The following ZMYM2 variants were observed in gnomAD, a reference collection of about 807,000 sequenced individuals.
The protein encoded by ZMYM2 is zinc finger MYM-type containing 2.
ZMYM2 carries 56 observed loss-of-function variants against 162.8 expected under a neutral mutation model. That is an observed-to-expected ratio of 0.34 (90% CI 0.28 to 0.43). The LOEUF (loss-of-function observed/expected upper bound fraction) is 0.43, where lower values mean the gene tolerates loss of function less well. Ranked by LOEUF, ZMYM2 falls within the 20% of genes least tolerant of loss-of-function variation. ZMYM2 has a pLI of 1.00. For missense variants in ZMYM2, 1,275 were observed against 1,621.8 expected, an observed-to-expected ratio of 0.79 and a Z score of 3.67; for synonymous variants, 510 against 541.6, an observed-to-expected ratio of 0.94 and a Z score of 0.81.
intron 4 of ZMYM2, among the ~76,000 whole-genome samples, chr13:20,004,277 C>T (rs1005193127): frequency 8.6e-5 from 13 of 151,708 alleles, no homozygotes; most frequent in African/African-American, 2.7e-4. Context: ...TTTTTTGAGA[C>T]GGATTCTCGC....
chr13:20,073,008 A>G (rs1165993103), intron 21 of ZMYM2, among the ~76,000 whole-genome samples: 2 of 151,706 alleles, frequency 1.3e-5, no homozygotes, highest in Non-Finnish European at 2.9e-5. Context: ...TCCCAGATTC[A>G]AGTGAATCCC....
rs756716900 is a variant in ZMYM2 at position 20,019,581 on chromosome 13, G to A, written c.1547G>A (p.Arg516Gln). ...CATCCAAGCTTCCTGAAGGAGGTTCGAGATCACATGCAGGACTCTTTCTTA... is the reference window on the plus strand; with the variant it reads ...CATCCAAGCTTCCTGAAGGAGGTTCAAGATCACATGCAGGACTCTTTCTTA... ...GSHPSFLKEV[R>Q]DHMQDSFLMQ... The change falls in exon 7 of 25, where the codon CGA (arginine) becomes CAA (glutamine). Residue 516 changes from arginine to glutamine, a missense_variant. By Grantham distance (43) the Arg-to-Gln change is conservative. Coordinates refer to ENST00000610343, the MANE Select transcript of ZMYM2 (RefSeq NM_197968.4). 3.0e-5 allele frequency: 48 copies of A among 1,596,820 alleles called. No individual in the cohort carries two copies. The highest frequency in any genetic ancestry group is 3.8e-5 in the Non-Finnish European group (44 of 1,171,172).
chr13:19,929,674 G>A, the ZMYM2 span, among the ~76,000 whole-genome samples: 1 of 152,076 alleles, frequency 6.6e-6, no homozygotes, highest in African/African-American at 2.4e-5. Flanking sequence ...TCATGCTCAT[G>A]GGTGACTTTG....
At chr13:19,977,840 G>T (rs1288612283) in intron 2 of ZMYM2, among the ~76,000 whole-genome samples, 1 of 149,068 alleles carries the variant, frequency 6.7e-6, no homozygotes, top group Non-Finnish European at 1.5e-5. Flanking sequence ...TTTTTCTCTA[G>T]TGTACCATTT....
chr13:20,082,826 A>T lies in ZMYM2; in HGVS notation c.3614A>T (p.Lys1205Ile). Residue 1205 changes from lysine (K) to isoleucine (I), a missense_variant, in exon 23 of 25, where the codon AAA (lysine) becomes ATA (isoleucine). Lys to Ile is a moderately radical substitution (Grantham distance 102, BLOSUM62 -3). This residue lies in a region of ZMYM2 where 103 missense variants were observed against 192.2 expected (regional missense o/e 0.54). Coordinates refer to ENST00000610343, the MANE Select transcript of ZMYM2 (RefSeq NM_197968.4). The stretch of plus-strand genomic sequence containing the variant: ...GAAGAAGACTATCTCTGGAGGATAA[A>T]ACAACTAGGATCACACTCTCCAGTA... ...RVEEDYLWRI[K>I]QLGSHSPVAL... is the part of the protein sequence containing the mutation. 1 of 1,613,244 alleles carries T rather than the reference A, an allele frequency of 6.2e-7. No homozygotes were observed. Among genetic ancestry groups the T allele is most frequent in the South Asian group, 1.1e-5 (1 of 90,988 alleles).
At chr13:19,884,440 T>TGGCGGCGGGCGGCCGTG in the ZMYM2 span, among the ~76,000 whole-genome samples, 2 of 151,922 alleles carry the variant, frequency 1.3e-5, no homozygotes, top group Non-Finnish European at 2.9e-5. Context: ...AAGCCAGACG[T>TGGCGGCGGGCGGCCGTG]GGCGGCGGGC....
chr13:19,999,338 G>C (rs1215835863), intron 3 of ZMYM2, among the ~76,000 whole-genome samples: 2 of 152,124 alleles, frequency 1.3e-5, no homozygotes, highest in Non-Finnish European at 2.9e-5. Context: ...TCGTGTCTCT[G>C]TTTCACATTT....
the ZMYM2 span, among the ~76,000 whole-genome samples, chr13:19,908,026 G>A: frequency 8.7e-3 from 1,325 of 152,166 alleles, 24 homozygotes; most frequent in African/African-American, 0.03. Flanking sequence ...GGTGGCTCAC[G>A]CCAGTAATCC....
At chr13:20,057,120 T>C (rs1033726674) in intron 14 of ZMYM2, among the ~76,000 whole-genome samples, 3 of 152,148 alleles carry the variant, frequency 2.0e-5, no homozygotes, top group Admixed American at 2.0e-4. Flanking sequence ...GCTTTGTTCT[T>C]GAGACAAAGT....
In ZMYM2 at chr13:19,994,807, A is replaced by G. The variant is rs1365150303; in HGVS notation, c.847+888A>G. 2.6e-5 allele frequency among the ~76,000 whole-genome samples: 4 copies of G among 151,926 alleles called. No individual in the cohort carries two copies. In the East Asian group the frequency reaches 5.8e-4, roughly 22 times the overall value. On this transcript the variant is annotated intron_variant, in intron 3 of 24. Transcript: ENST00000610343. ...CCTGGCCGCATTTAGATTTATTTCT[A>G]CTTTCCCTGTGCTTATTTAATTTAA...
At chr13:19,931,524 C>T in the ZMYM2 span, among the ~76,000 whole-genome samples, 1 of 152,208 alleles carries the variant, frequency 6.6e-6, no homozygotes, top group Non-Finnish European at 1.5e-5. Context: ...TTACTGTCTT[C>T]ATAGTTTTGC....
intron 19 of ZMYM2, 53 bp downstream of exon 19, chr13:20,064,598 A>C: frequency 1.4e-6 from 2 of 1,379,862 alleles, no homozygotes; most frequent in Non-Finnish European, 1.9e-6. Flanking sequence ...GCAAACAAGG[A>C]TACAGTGTTC....
the ZMYM2 span, among the ~76,000 whole-genome samples, chr13:19,946,876 T>A: frequency 6.6e-6 from 1 of 152,234 alleles, no homozygotes; most frequent in African/African-American, 2.4e-5. Flanking sequence ...AGATGTGGTG[T>A]CTTAAAAGCA....
chr13:19,885,936 C>T, the ZMYM2 span, among the ~76,000 whole-genome samples: 92 of 91,128 alleles, frequency 1.0e-3, 23 homozygotes, highest in African/African-American at 5.9e-3. Context: ...TGTGTATACA[C>T]ATATATATGT....
chr13:19,945,166 AT>A, the ZMYM2 span, among the ~76,000 whole-genome samples: 1 of 152,148 alleles, frequency 6.6e-6, no homozygotes, highest in African/African-American at 2.4e-5. Flanking sequence ...ATATTCAACT[AT>A]TTTTCCAAGT....
chr13:20,034,416 A>G lies in ZMYM2; in HGVS notation c.2119+12A>G. The G allele has an allele frequency of 1.9e-6, 3 of 1,562,544 alleles. No homozygotes were observed. The highest frequency in any genetic ancestry group is 2.6e-6 in the Non-Finnish European group (3 of 1,158,094). On this transcript the variant is annotated intron_variant, in intron 11 of 24. Transcript: ENST00000610343. The stretch of plus-strand genomic sequence containing the variant: ...TTTCTGTAGTGAAGGCAAGTTGCAT[A>G]TACAGTGTTGTTCATAACATTTATT...
chr13:19,868,758 T>C, the ZMYM2 span, among the ~76,000 whole-genome samples: 5 of 152,140 alleles, frequency 3.3e-5, no homozygotes, highest in Non-Finnish European at 5.9e-5. Context: ...ATTATTATTA[T>C]TATTATTTTT....
the ZMYM2 span, among the ~76,000 whole-genome samples, chr13:19,895,931 T>G: frequency 0.65 from 97,886 of 151,614 alleles, 35,316 homozygotes; most frequent in East Asian, 0.88. Flanking sequence ...TATTCAGCCT[T>G]AAAAGGAAGG....
the ZMYM2 span, among the ~76,000 whole-genome samples, chr13:19,921,882 C>A: frequency 1.3e-5 from 2 of 151,768 alleles, no homozygotes; most frequent in Non-Finnish European, 2.9e-5. Flanking sequence ...TTGCTTTCGA[C>A]ACACACGCTG....
Sources: gnomAD v4.1 joint callset for allele counts (sites outside exome capture counted in the v4.1 genomes callset) on GRCh38, gnomAD v4.1.1 for gene constraint, gnomAD v4.1.1 regional missense constraint, MANE v1.5 for transcripts, NCBI Gene and HGNC (gene_info 2026-07-23, HGNC 2026-07-21) for gene names.